Variants in RAD17 observed in about 807,000 individuals in gnomAD.
RAD17 encodes the protein cell cycle checkpoint protein RAD17.
A neutral mutation model predicts 81.5 loss-of-function variants in RAD17; 31 were observed. The observed-to-expected ratio is 0.38, with a 90% CI of 0.29 to 0.51. The LOEUF is 0.51. RAD17 is among the 20% of genes least tolerant of loss of function. The probability of loss-of-function intolerance (pLI) is 0.88; values close to 1 mark genes in which losing one functional copy is unlikely to be tolerated. For missense variants in RAD17, 681 were observed against 781.2 expected (o/e 0.87, Z 1.53); for synonymous variants, 261 against 266.2 (o/e 0.98, Z 0.19).
chr5:69,410,195 A>G (rs1054980844), intron 17 of RAD17, among the ~76,000 whole-genome samples: 20 of 152,304 alleles, frequency 1.3e-4, no homozygotes, highest in Non-Finnish European at 1.8e-4. Context: ...AGATCATACA[A>G]TAATTCCATT....
At chr5:69,377,598 CAT>C (rs374534169) in intron 6 of RAD17, among the ~76,000 whole-genome samples, 269 of 5,258 alleles carry the variant, frequency 0.051, 94 homozygotes, top group Non-Finnish European at 0.1. Flanking sequence ...TATATATATG[CAT>C]ATATATATGT....
chr5:69,380,254 AGTT>A (rs1293556750), intron 6 of RAD17, among the ~76,000 whole-genome samples: 1 of 152,140 alleles, frequency 6.6e-6, no homozygotes, highest in Non-Finnish European at 1.5e-5. Context: ...CCAGTAAGAT[AGTT>A]GTTTATTATA....
At chr5:69,369,470 C>T, upstream of RAD17, 2 of 1,611,032 alleles carry the variant, frequency 1.2e-6, no homozygotes, top group Middle Eastern at 1.7e-4. Context: ...GACCGGTGAG[C>T]AGGATGTTCG....
chr5:69,370,053 G>A lies in RAD17; in HGVS notation c.-417+120G>A, dbSNP rs1336121990. The A allele has an allele frequency of 5.5e-5, 18 of 325,864 alleles. No individual in the cohort carries two copies. The East Asian group carries it at 1.3e-3, about 24-fold the overall frequency. 20.2% of individuals were successfully genotyped at this position (325,864 alleles called of 1,614,324 possible). A position where few individuals can be genotyped will look rare whatever the true frequency, so the allele number is the denominator to read the frequency against. ...CCTCCCGACCCGCCCATCCCATCTG[G>A]GGATGAGAAGATTGAGGGTGCAGAG... On this transcript the variant is annotated intron_variant, in intron 1 of 18. Coordinates refer to ENST00000354868, the MANE Select transcript of RAD17 (RefSeq NM_133338.3).
At position 69,398,187 on chromosome 5, in the gene RAD17, T is replaced by C. The variant is rs1049626394; in HGVS notation, c.1572+1641T>C. ...TCACCACACACAAAAAATATATGTA[T>C]GTAAGGTAATGCATATGTTAATTGG... On this transcript the variant is annotated intron_variant, in intron 16 of 18. Transcript: ENST00000354868. Among the ~76,000 whole-genome samples, 5 of 152,160 alleles carry C rather than the reference T, an allele frequency of 3.3e-5. No individual in the cohort carries two copies. The East Asian group carries it at 5.8e-4, about 18-fold the overall frequency.
chr5:69,396,953 C>T (rs1324815880), intron 16 of RAD17, among the ~76,000 whole-genome samples: 1 of 152,150 alleles, frequency 6.6e-6, no homozygotes, highest in East Asian at 1.9e-4. Flanking sequence ...CTGCCTCAGC[C>T]TCCCAGGTAG....
At chr5:69,374,356 C>G (rs1291232748) in intron 5 of RAD17, among the ~76,000 whole-genome samples, 1 of 152,122 alleles carries the variant, frequency 6.6e-6, no homozygotes, top group Non-Finnish European at 1.5e-5. Flanking sequence ...TAATACTCCT[C>G]TCTACTGTCT....
chr5:69,406,915 C>G (rs1765637740), intron 17 of RAD17, among the ~76,000 whole-genome samples: 1 of 150,586 alleles, frequency 6.6e-6, no homozygotes, highest in Admixed American at 6.6e-5. Context: ...AGTCATTCTA[C>G]TATATATATA....
intron 15 of RAD17, among the ~76,000 whole-genome samples, 155 bp from the exon 16 acceptor site, chr5:69,396,241 AT>A (rs1304594761): frequency 6.6e-5 from 10 of 152,200 alleles, no homozygotes; most frequent in Non-Finnish European, 1.5e-4. Flanking sequence ...TTTGCTTTAG[AT>A]AAGTTTATAG....
At chr5:69,393,619 A>G (rs971867828) in intron 15 of RAD17, 119 bp downstream of exon 15, 8 of 952,822 alleles carry the variant, frequency 8.4e-6, no homozygotes, top group South Asian at 1.7e-5. Context: ...CTTCATAACT[A>G]TGCTAAAGTT....
intron 18 of RAD17, among the ~76,000 whole-genome samples, chr5:69,413,573 C>T (rs1436654078): frequency 3.9e-5 from 6 of 152,132 alleles, no homozygotes; most frequent in African/African-American, 9.7e-5. Context: ...CTTGCTCTGT[C>T]GTACAGGCTG....
At chr5:69,402,654 C>CAAAAAA (rs35516042) in intron 17 of RAD17, among the ~76,000 whole-genome samples, 2 of 123,924 alleles carry the variant, frequency 1.6e-5, no homozygotes, top group African/African-American at 6.2e-5. Context: ...GACTCTGTCT[C>CAAAAAA]AAAAAAAAAA....
Position 69,394,848 on chromosome 5 carries a change from C to T in RAD17, c.1422+1348C>T, listed in dbSNP as rs60252344. 4.8e-3 allele frequency among the ~76,000 whole-genome samples: 732 copies of T among 152,226 alleles called. 5 individuals are homozygous for T. The highest frequency in any genetic ancestry group is 8.0e-3 in the Non-Finnish European group (546 of 68,022). On this transcript the variant is annotated intron_variant, in intron 15 of 18. Coordinates refer to ENST00000354868, the MANE Select transcript of RAD17 (RefSeq NM_133338.3). The stretch of plus-strand genomic sequence containing the variant: ...GGCCGAGGCAGGTGGATCACTTGAG[C>T]TCATGAGTATGAGACCAGCTGGGGC...
chr5:69,372,829 T>C (rs1421845356), intron 4 of RAD17, among the ~76,000 whole-genome samples: 1 of 152,148 alleles, frequency 6.6e-6, no homozygotes, highest in Non-Finnish European at 1.5e-5. Flanking sequence ...CTAGCTGTTC[T>C]CAAACTCCTG....
At chr5:69,377,419 A>ATG (rs1216916625) in intron 6 of RAD17, among the ~76,000 whole-genome samples, 18 of 65,824 alleles carry the variant, frequency 2.7e-4, no homozygotes, top group Non-Finnish European at 3.4e-4. Flanking sequence ...ACTTAGGTAT[A>ATG]TGTGTGTGTG....
At chr5:69,385,586 G>C (rs1580384382) in intron 8 of RAD17, among the ~76,000 whole-genome samples, 1 of 152,150 alleles carries the variant, frequency 6.6e-6, no homozygotes, top group Non-Finnish European at 1.5e-5. Flanking sequence ...TTAAAATTTT[G>C]CTGTAGCTAT....
chr5:69,377,494 TAC>T (rs1491095354), intron 6 of RAD17, among the ~76,000 whole-genome samples: 111 of 105,538 alleles, frequency 1.1e-3, no homozygotes, highest in Non-Finnish European at 1.5e-3. Flanking sequence ...CACATATATA[TAC>T]GTATATATAT....
intron 4 of RAD17, 76 bp from the exon 5 acceptor site, chr5:69,373,754 C>A: frequency 2.3e-5 from 19 of 815,380 alleles, no homozygotes; most frequent in East Asian, 6.5e-5. Context: ...TATGTTGTTT[C>A]CAGAGTAGTT....
intron 16 of RAD17, among the ~76,000 whole-genome samples, chr5:69,398,886 AAAG>A (rs1765071874): frequency 6.6e-6 from 1 of 150,408 alleles, no homozygotes; most frequent in Admixed American, 6.6e-5. Flanking sequence ...AAAAAAAAAA[AAAG>A]AGGCCAGGTG....
Sources: allele counts gnomAD v4.1 joint callset (sites outside exome capture counted in the v4.1 genomes callset), GRCh38; gene constraint gnomAD v4.1.1; transcripts MANE v1.5; gene names NCBI Gene and HGNC (gene_info 2026-07-23, HGNC 2026-07-21).